FHOD3: variants seen among roughly 807,000 people sequenced by gnomAD.
The protein encoded by FHOD3 is FH1/FH2 domain-containing protein 3.
Under a neutral mutation model 173.0 loss-of-function variants are expected in FHOD3, and 90 were observed. The ratio of observed to expected loss-of-function variants is 0.52; its 90% confidence interval spans 0.44 to 0.62. FHOD3 has a LOEUF of 0.62. Ranked by LOEUF, FHOD3 falls within the 20% of genes least tolerant of loss-of-function variation. The pLI is 0.00. For synonymous variants in FHOD3, 828 were observed against 823.0 expected, an observed-to-expected ratio of 1.01 and a Z score of -0.10; for missense variants, 1,945 against 2,034.7, an observed-to-expected ratio of 0.96 and a Z score of 0.85.
intron 6 of FHOD3, among the ~76,000 whole-genome samples, chr18:36,588,235 G>A (rs2059104841): frequency 6.6e-6 from 1 of 152,142 alleles, no homozygotes; most frequent in African/African-American, 2.4e-5. Flanking sequence ...AAGGCTTTAG[G>A]GCACACTCTG....
At chr18:36,604,517 A>G (rs1568484025) in intron 8 of FHOD3, among the ~76,000 whole-genome samples, 2 of 152,210 alleles carry the variant, frequency 1.3e-5, no homozygotes, top group Non-Finnish European at 2.9e-5. Context: ...ACAGTTAGTT[A>G]ACATTGGTGG....
intron 3 of FHOD3, among the ~76,000 whole-genome samples, chr18:36,465,348 A>C (rs1207038493): frequency 2.0e-5 from 3 of 152,298 alleles, no homozygotes; most frequent in South Asian, 2.1e-4. Context: ...TTAGACACGG[A>C]TCTCATACCC....
At chr18:36,454,582 G>T (rs1052803325) in intron 3 of FHOD3, among the ~76,000 whole-genome samples, 4 of 151,960 alleles carry the variant, frequency 2.6e-5, no homozygotes, top group Non-Finnish European at 5.9e-5. Context: ...ACCTATTGAT[G>T]AATTTATCCC....
intron 1 of FHOD3, among the ~76,000 whole-genome samples, chr18:36,332,710 G>C (rs947977230): frequency 6.6e-6 from 1 of 152,218 alleles, no homozygotes; most frequent in African/African-American, 2.4e-5. Flanking sequence ...TTCTGTGCCT[G>C]CCTCTATGAA....
chr18:36,764,380 G>A (rs888220766), intron 27 of FHOD3, among the ~76,000 whole-genome samples: 1 of 152,174 alleles, frequency 6.6e-6, no homozygotes, highest in Non-Finnish European at 1.5e-5. Flanking sequence ...AAAGGCCTAA[G>A]ACATCCCATG....
chr18:36,513,016 G>T (rs991284381), intron 5 of FHOD3, among the ~76,000 whole-genome samples: 1 of 152,142 alleles, frequency 6.6e-6, no homozygotes, highest in Non-Finnish European at 1.5e-5. Context: ...CGATAGTTTT[G>T]AGCGGGTCCG....
At chr18:36,361,080 T>C (rs552927208) in intron 2 of FHOD3, among the ~76,000 whole-genome samples, 24 of 152,142 alleles carry the variant, frequency 1.6e-4, no homozygotes, top group African/African-American at 5.5e-4. Context: ...TTTTTCCTCT[T>C]AAGGTAGTTA....
chr18:36,702,084 G>A (rs137964656), intron 17 of FHOD3, among the ~76,000 whole-genome samples: 45 of 152,326 alleles, frequency 3.0e-4, no homozygotes, highest in African/African-American at 1.0e-3. Context: ...GTGAAGCTGA[G>A]TTTGTGCCCA....
chr18:36,372,788 C>T lies in FHOD3; in HGVS notation c.337+44C>T, dbSNP rs111357907. 1.4e-4 allele frequency: 212 copies of T among 1,525,826 alleles called. 4 individuals are homozygous for T. Among genetic ancestry groups the T allele is most frequent in the South Asian group, 5.3e-4 (47 of 88,140 alleles). 94.5% of individuals were successfully genotyped at this position (1,525,826 alleles called of 1,614,324 possible). ...CAGGAACTAAACATATGATGAAAGA[C>T]GCGACTTATGGGAATAAAATAAAGA... On this transcript the variant is annotated intron_variant, in intron 3 of 28. Transcript: ENST00000590592.
intron 3 of FHOD3, among the ~76,000 whole-genome samples, chr18:36,414,400 G>C (rs762486484): frequency 2.0e-5 from 3 of 152,220 alleles, no homozygotes; most frequent in Non-Finnish European, 2.9e-5. Flanking sequence ...TTCGTCCAGA[G>C]TGCATAAAGG....
At chr18:36,767,105 CAG>C (rs928800222) in intron 27 of FHOD3, among the ~76,000 whole-genome samples, 2 of 152,040 alleles carry the variant, frequency 1.3e-5, no homozygotes, top group Non-Finnish European at 2.9e-5. Flanking sequence ...TCTGAGAATG[CAG>C]AGACTTTCAG....
intron 1 of FHOD3, among the ~76,000 whole-genome samples, chr18:36,347,171 C>G (rs1271126248): frequency 6.6e-6 from 1 of 152,148 alleles, no homozygotes; most frequent in African/African-American, 2.4e-5. Context: ...AGTGTTGATA[C>G]GATTTTCAAC....
chr18:36,671,437 A>C (rs576826983), intron 14 of FHOD3, among the ~76,000 whole-genome samples: 1 of 152,206 alleles, frequency 6.6e-6, no homozygotes, highest in Non-Finnish European at 1.5e-5. Flanking sequence ...TCTGGTTTTT[A>C]GTTGTTTCAG....
chr18:36,718,701 C>T lies in FHOD3; in HGVS notation c.3403C>T (p.Leu1135=). 5 of 1,612,984 alleles carry T rather than the reference C, an allele frequency of 3.1e-6. No homozygotes were observed. The highest frequency in any genetic ancestry group is 4.2e-6 in the Non-Finnish European group (5 of 1,179,238). The change falls in exon 19 of 29, where the codon CTG becomes TTG. Residue 1135 remains leucine (L), a synonymous_variant. Transcript: ENST00000590592. ...EHLFESKSKE[L]SVSKKTAADG... ...CCTGTTTGAGTCTAAATCCAAGGAA[C>T]TGTCTGTCTCAAAGGTACTGCTAGT... is the stretch of plus-strand genomic sequence containing the variant.
chr18:36,604,991 T>C (rs1331719764), intron 8 of FHOD3, among the ~76,000 whole-genome samples: 1 of 152,216 alleles, frequency 6.6e-6, no homozygotes, highest in African/African-American at 2.4e-5. Context: ...TTGGCAATGA[T>C]TGCCTTTTAA....
intron 5 of FHOD3, among the ~76,000 whole-genome samples, chr18:36,556,502 C>T (rs2057891814): frequency 6.6e-6 from 1 of 152,184 alleles, no homozygotes; most frequent in Non-Finnish European, 1.5e-5. Flanking sequence ...ATACTAGACA[C>T]AACTGTTTTT....
At chr18:36,403,517 G>A (rs930656640) in intron 3 of FHOD3, among the ~76,000 whole-genome samples, 1 of 152,070 alleles carries the variant, frequency 6.6e-6, no homozygotes, top group Non-Finnish European at 1.5e-5. Context: ...CTCTCAGAAT[G>A]GAACTTATCA....
rs774765463 is a variant in FHOD3, at chr18:36,687,112, T to C, written c.1971-16T>C. ...ACTTTCTTTTCCTGTTTGTTTGTTC[T>C]ACATATTTCCATTAGCCGAGATTAT... On this transcript the variant is annotated splice_polypyrimidine_tract_variant and intron_variant, in intron 15 of 28. Coordinates refer to ENST00000590592, the MANE Select transcript of FHOD3 (RefSeq NM_001281740.3). 4.4e-6 allele frequency: 7 copies of C among 1,596,370 alleles called. No individual in the cohort carries two copies. Among genetic ancestry groups the C allele is most frequent in the African/African-American group, 1.3e-5 (1 of 74,712 alleles).
chr18:36,419,205 G>T (rs572894988), intron 3 of FHOD3, among the ~76,000 whole-genome samples: 14 of 151,782 alleles, frequency 9.2e-5, no homozygotes. Flanking sequence ...ATAATTTGCC[G>T]TCTTCTCCTT....
Sources: allele counts gnomAD v4.1 joint callset (sites outside exome capture counted in the v4.1 genomes callset), GRCh38; gene constraint gnomAD v4.1.1; transcripts MANE v1.5; gene names NCBI Gene and HGNC (gene_info 2026-07-23, HGNC 2026-07-21).